Variants in ABCA6 observed in about 807,000 individuals in gnomAD.
ABCA6 encodes ATP binding cassette subfamily A member 6, also known as ATP-binding cassette sub-family A member 6.
ABCA6 carries 164 observed loss-of-function variants against 191.2 expected under a neutral mutation model. The observed-to-expected ratio is 0.86, with a 90% CI of 0.76 to 0.98. The LOEUF (loss-of-function observed/expected upper bound fraction) is 0.98, where lower values mean the gene tolerates loss of function less well. Among genes scored for constraint, ABCA6 ranks in the 50% least tolerant of loss-of-function variants. The probability of loss-of-function intolerance (pLI) is 0.00; values close to 1 mark genes in which losing one functional copy is unlikely to be tolerated. For synonymous variants in ABCA6, 636 were observed against 647.7 expected (o/e 0.98, Z 0.27); for missense variants, 1,958 against 1,894.1 (o/e 1.03, Z -0.63).
At position 69,096,784 on chromosome 17, in the gene ABCA6, C is replaced by T. The variant is rs80239392; in HGVS notation, c.3138G>A (p.Gln1046=). The T allele has an allele frequency of 1.6e-3, 2,458 of 1,526,816 alleles. 37 individuals are homozygous for T. The African/African-American group carries it at 0.031, about 19-fold the overall frequency. 94.6% of individuals were successfully genotyped at this position (1,526,816 alleles called of 1,614,324 possible). ...AAGTGTAGAGGCCTGAAATCCATAG[C>T]TGGGACTTAGCATTTTTCTGATTAA... The part of the protein sequence containing the change: ...ISDYKKNAKS[Q]LWISGLYTSA... Residue 1046 remains glutamine (Q), a synonymous_variant, in exon 24 of 39, where the codon CAG becomes CAA. Transcript: ENST00000284425.
chr17:69,115,864 AT>A (rs879560015), intron 11 of ABCA6: 150 of 147,634 alleles, frequency 1.0e-3, no homozygotes, highest in South Asian at 1.3e-3. Context: ...TATGTTTGTA[AT>A]TTTTTTTTTT....
At chr17:69,103,203 T>A (rs1176837827) in intron 20 of ABCA6, among the ~76,000 whole-genome samples, 1 of 152,168 alleles carries the variant, frequency 6.6e-6, no homozygotes. Context: ...TAACATGTAA[T>A]CATAAAAATA....
chr17:69,083,058 AT>A, intron 35 of ABCA6, 45 bp from the exon 36 acceptor site: 1 of 1,602,048 alleles, frequency 6.2e-7, no homozygotes, highest in Non-Finnish European at 8.5e-7. Flanking sequence ...ATTGCCCTTA[AT>A]TTTTTAATGT....
chr17:69,086,119 A>G (rs1460587462), intron 30 of ABCA6, among the ~76,000 whole-genome samples: 3 of 152,190 alleles, frequency 2.0e-5, no homozygotes, highest in Non-Finnish European at 4.4e-5. Flanking sequence ...CCCAACTGAT[A>G]TAAAAGCCTC....
rs1239287700 is a variant in ABCA6 at position 69,084,492 on chromosome 17, GA to G, written c.4199del (p.Phe1400SerfsTer7). On this transcript the variant is annotated frameshift_variant, in exon 33 of 39. Coordinates refer to ENST00000284425, the MANE Select transcript of ABCA6 (RefSeq NM_080284.3). LOFTEE classifies it high-confidence loss of function. ...RLAIARLVSA[F>X]KLHEQLNVPV... Reference sequence around the variant, plus strand: ...GAACATTCAGCTGCTCATGCAGTTTGAAAGCACTCACTAATCTGACAGAAAA... The same window carrying G: ...GAACATTCAGCTGCTCATGCAGTTTGAAGCACTCACTAATCTGACAGAAAA... 1.7e-5 allele frequency: 27 copies of G among 1,614,020 alleles called. No homozygotes were observed. Among genetic ancestry groups the G allele is most frequent in the Non-Finnish European group, 2.3e-5 (27 of 1,180,034 alleles).
chr17:69,133,813 T>C lies in ABCA6; in HGVS notation c.619A>G (p.Met207Val). The C allele has an allele frequency of 6.2e-7, 1 of 1,612,720 alleles. No individual in the cohort carries two copies. Among genetic ancestry groups the C allele is most frequent in the Non-Finnish European group, 8.5e-7 (1 of 1,179,270 alleles). Residue 207 changes from methionine to valine, a missense_variant, in exon 6 of 39, where the codon ATG becomes GTG. Coordinates refer to ENST00000284425, the MANE Select transcript of ABCA6 (RefSeq NM_080284.3). Reference sequence around the variant, plus strand: ...TTAGTTATGAAAGGTAATGTCTTCATAGTTATAGCAGTAACTGACATCAAC... The same window carrying C: ...TTAGTTATGAAAGGTAATGTCTTCACAGTTATAGCAGTAACTGACATCAAC... ...EELMSVTAIT[M>V]KTLPFITKNL... is the part of the protein sequence containing the mutation.
chr17:69,140,629 C>T lies in ABCA6; in HGVS notation c.75G>A (p.Arg25=). The change falls in exon 2 of 39, where the codon AGG becomes AGA. Residue 25 remains arginine (R), a synonymous_variant. Coordinates refer to ENST00000284425, the MANE Select transcript of ABCA6 (RefSeq NM_080284.3). The part of the protein sequence containing the change: ...LLCKNFLKKW[R]MKRESLLEWG... Reference sequence around the variant, plus strand: ...ATACCAATAAGCTCTCTCTTTTCATCCTCCATTTCTTAAGAAAATTCTTGC... The same window carrying T: ...ATACCAATAAGCTCTCTCTTTTCATTCTCCATTTCTTAAGAAAATTCTTGC... 6.3e-7 allele frequency: 1 copy of T among 1,597,626 alleles called. No homozygotes were observed. The highest frequency in any genetic ancestry group is 8.5e-7 in the Non-Finnish European group (1 of 1,172,754).
rs962896146 is a variant in ABCA6, at chr17:69,084,888, C to A, written c.4184+140G>T. The A allele has an allele frequency of 8.7e-5, 87 of 1,004,688 alleles. 1 individual carries two copies. Among genetic ancestry groups the A allele is most frequent in the Non-Finnish European group, 1.1e-4 (81 of 723,024 alleles). The allele number at this position is 1,004,688 out of a possible 1,614,324, so 62.2% of individuals were successfully genotyped here. ...AGGGATGCAGGAAGTCAGGTCTTGT[C>A]CCTCATCCCTGCTCTGCCACTGACA... is the stretch of plus-strand genomic sequence containing the variant. On this transcript the variant is annotated intron_variant, in intron 32 of 38. Transcript: ENST00000284425.
At chr17:69,120,752 C>T (rs1054582161) in intron 10 of ABCA6, among the ~76,000 whole-genome samples, 2 of 152,036 alleles carry the variant, frequency 1.3e-5, no homozygotes, top group African/African-American at 4.8e-5. Flanking sequence ...CAGTCATTTA[C>T]ATTTGAGGCA....
chr17:69,136,165 A>G lies in ABCA6; in HGVS notation c.387T>C (p.Phe129=). 1 of 1,606,110 alleles carries G rather than the reference A, an allele frequency of 6.2e-7. No individual in the cohort carries two copies. ...TTAACTTATAAGAGAAAGTTTCATTAAAGATGATTCCCATAGCATATGGTA... is the reference window on the plus strand; with the variant it reads ...TTAACTTATAAGAGAAAGTTTCATTGAAGATGATTCCCATAGCATATGGTA... The part of the protein sequence containing the change: ...ENLPYAMGII[F]NETFSYKLIF... The change falls in exon 4 of 39, where the codon TTT becomes TTC. Residue 129 remains phenylalanine (F), a synonymous_variant. Transcript: ENST00000284425.
chr17:69,080,302 A>T (rs574138704), intron 37 of ABCA6, among the ~76,000 whole-genome samples: 5 of 152,124 alleles, frequency 3.3e-5, no homozygotes, highest in Non-Finnish European at 7.3e-5. Flanking sequence ...CGAACCATCT[A>T]GATATGCAGG....
chr17:69,079,341 GAATA>G, intron 37 of ABCA6, 76 bp from the exon 38 acceptor site: 1 of 1,120,368 alleles, frequency 8.9e-7, no homozygotes, highest in Non-Finnish European at 1.3e-6. Flanking sequence ...AAATCATAAA[GAATA>G]AAAATGTAAA....
chr17:69,120,364 C>T (rs2073617783), intron 10 of ABCA6, among the ~76,000 whole-genome samples: 1 of 151,946 alleles, frequency 6.6e-6, no homozygotes, highest in South Asian at 2.1e-4. Context: ...CAAAAATAGA[C>T]GTTCTCTTCG....
At chr17:69,095,120 C>T (rs984216235) in intron 25 of ABCA6, 4 of 210,014 alleles carry the variant, frequency 1.9e-5, no homozygotes, top group African/African-American at 9.3e-5. Flanking sequence ...AAGAAACCAA[C>T]CAAGTGTCAG....
intron 3 of ABCA6, among the ~76,000 whole-genome samples, chr17:69,136,753 T>A (rs1386766306): frequency 6.6e-6 from 1 of 152,164 alleles, no homozygotes; most frequent in Non-Finnish European, 1.5e-5. Flanking sequence ...AATTTGCCCA[T>A]GAATGAAATA....
rs1436680990 is a variant in ABCA6 at position 69,106,180 on chromosome 17, T to G, written c.2421A>C (p.Ser807=). 6.2e-7 allele frequency: 1 copy of G among 1,613,272 alleles called. No homozygotes were observed. Among genetic ancestry groups the G allele is most frequent in the Non-Finnish European group, 8.5e-7 (1 of 1,179,656 alleles). The change falls in exon 19 of 39, where the codon TCA becomes TCC. Residue 807 remains serine (S), a synonymous_variant. Coordinates refer to ENST00000284425, the MANE Select transcript of ABCA6 (RefSeq NM_080284.3). ...DFEQVEMIRD[S]ESLNEMELAH... is the part of the protein sequence containing the mutation. ...CCAGCTCCATTTCATTGAGGCTTTCTGAGTCTCTTATCATCTCCACTTGTT... is the reference window on the plus strand; with the variant it reads ...CCAGCTCCATTTCATTGAGGCTTTCGGAGTCTCTTATCATCTCCACTTGTT...
At chr17:69,084,925 T>G in intron 32 of ABCA6, 103 bp downstream of exon 32, 7 of 1,388,172 alleles carry the variant, frequency 5.0e-6, no homozygotes, top group African/African-American at 1.4e-5. Context: ...TCTGGAAAGG[T>G]GGAGATAGCA....
intron 2 of ABCA6, 47 bp downstream of exon 2, chr17:69,140,561 C>G (rs370278860): frequency 2.0e-5 from 24 of 1,196,452 alleles, no homozygotes; most frequent in Non-Finnish European, 2.6e-5. Flanking sequence ...GGTAATGAAA[C>G]ACTGTAAGAG....
chr17:69,094,007 A>G (rs549861315), intron 25 of ABCA6, among the ~76,000 whole-genome samples: 2 of 152,298 alleles, frequency 1.3e-5, no homozygotes, highest in Non-Finnish European at 2.9e-5. Flanking sequence ...TTGAATCCAT[A>G]ACAACTTAAG....
Sources: gnomAD v4.1 joint callset for allele counts (sites outside exome capture counted in the v4.1 genomes callset) on GRCh38, gnomAD v4.1.1 for gene constraint, MANE v1.5 for transcripts, NCBI Gene and HGNC (gene_info 2026-07-23, HGNC 2026-07-21) for gene names.